ZGPAT: variants seen among roughly 807,000 people sequenced by gnomAD.
ZGPAT encodes the protein zinc finger CCCH-type and G-patch domain containing, also known as zinc finger CCCH-type with G patch domain-containing protein.
In ZGPAT, 39 loss-of-function variants were observed where a neutral mutation model predicts 47.9. The observed-to-expected ratio is 0.81, with a 90% confidence interval of 0.63 to 1.06. The LOEUF is 1.06. Ranked by LOEUF, ZGPAT falls within the 50% of genes least tolerant of loss-of-function variation. The pLI is 0.00. For synonymous variants in ZGPAT, 348 were observed against 292.9 expected (o/e 1.19, Z -1.92); for missense variants, 717 against 681.4 (o/e 1.05, Z -0.58).
At chr20:63,727,228 A>ATTTTTTTTTTTTTTTTTTTTT (rs11476997) in intron 2 of ZGPAT, among the ~76,000 whole-genome samples, 1 of 140,074 alleles carries the variant, frequency 7.1e-6, no homozygotes, top group Non-Finnish European at 1.6e-5. Context: ...TTTCCATTTG[A>ATTTTTTTTTTTTTTTTTTTTT]TTTTTTTTTT....
At position 63,733,085 on chromosome 20, in the gene ZGPAT, AGT is replaced by A. The variant is rs761506488; in HGVS notation, c.585-129_585-128del. On this transcript the variant is annotated intron_variant, in intron 2 of 6. Transcript: ENST00000355969. ...GTATGTGTGTGCGTGAGTGTGTGAG[AGT>A]GTGTATGTATACGCACGCGTGTGTG... is the stretch of plus-strand genomic sequence containing the variant. 5.2e-5 allele frequency: 59 copies of A among 1,128,968 alleles called. 1 individual carries two copies. Among genetic ancestry groups the A allele is most frequent in the Admixed American group, 4.6e-4 (18 of 39,218 alleles). 69.9% of individuals were successfully genotyped at this position (1,128,968 alleles called of 1,614,324 possible).
intron 2 of ZGPAT, 32 bp from the exon 3 acceptor site, chr20:63,733,187 C>G: frequency 1.9e-6 from 3 of 1,603,908 alleles, no homozygotes; most frequent in South Asian, 1.1e-5. Flanking sequence ...TGGCCCATGT[C>G]TGAGCCCTGC....
intron 6 of ZGPAT, 24 bp downstream of exon 6, chr20:63,735,588 G>A: frequency 4.0e-6 from 6 of 1,511,614 alleles, no homozygotes; most frequent in East Asian, 2.3e-5. Context: ...CCAGCTCAGG[G>A]CAAAGGGCGA....
chr20:63,732,681 C>CTT (rs1491567093), intron 2 of ZGPAT, among the ~76,000 whole-genome samples: 6 of 62,090 alleles, frequency 9.7e-5, no homozygotes, highest in Non-Finnish European at 1.5e-4. Context: ...TGCCTGTGTG[C>CTT]ATGTGTGTAT....
At chr20:63,730,406 C>A (rs1256033820) in intron 2 of ZGPAT, 1 of 152,268 alleles carries the variant, frequency 6.6e-6, no homozygotes, top group Admixed American at 6.5e-5. Context: ...CCTGTTCCAC[C>A]TCACTCTGCT....
At chr20:63,734,587 T>G in intron 4 of ZGPAT, 118 bp from the exon 5 acceptor site, 1 of 1,522,372 alleles carries the variant, frequency 6.6e-7, no homozygotes, top group Non-Finnish European at 8.8e-7. Flanking sequence ...AAAGCCCGGG[T>G]CACCATGCAC....
chr20:63,709,665 G>GT (rs532453631), intron 2 of ZGPAT, among the ~76,000 whole-genome samples: 329 of 150,616 alleles, frequency 2.2e-3, no homozygotes, highest in East Asian at 0.01. Flanking sequence ...CCTATCGTCA[G>GT]TTTTTTTTTG....
intron 2 of ZGPAT, among the ~76,000 whole-genome samples, chr20:63,732,510 TGC>T (rs73611622): frequency 0.19 from 28,790 of 151,336 alleles, 3,697 homozygotes; most frequent in East Asian, 0.61. Flanking sequence ...AGGGCACGTG[TGC>T]GCGCGTGTGG....
chr20:63,733,605 A>G lies in ZGPAT; in HGVS notation c.737A>G (p.Tyr246Cys). ...CCCCCAGATGTGGACAACGGCTACT[A>G]CACAGTCAAGTTTGACTCGCTGCTG... ...ARITDVDNGY[Y>C]TVKFDSLLLR... Residue 246 changes from tyrosine to cysteine, a missense_variant, in exon 4 of 7, where the codon TAC becomes TGC. Physicochemically the swap from Tyr to Cys is radical, Grantham distance 194. Transcript: ENST00000355969. 6.2e-7 allele frequency: 1 copy of G among 1,614,096 alleles called. No homozygotes were observed.
At chr20:63,724,001 G>C (rs931469373) in intron 2 of ZGPAT, among the ~76,000 whole-genome samples, 3 of 152,168 alleles carry the variant, frequency 2.0e-5, no homozygotes, top group Non-Finnish European at 2.9e-5. Context: ...GATCACTTGA[G>C]CCTGGGAAGT....
In ZGPAT at chr20:63,733,725, C is replaced by T; in HGVS notation, c.857C>T (p.Ser286Phe). Reference protein sequence around the residue: ...SDSDSDGTGDSSYARVVGSDA... With the variant: ...SDSDSDGTGDFSYARVVGSDA... Reference sequence around the variant, plus strand: ...TCAGACAGCGACGGTACGGGTGACTCCAGCTATGCCAGAGGTATGGCAGCA... The same window carrying T: ...TCAGACAGCGACGGTACGGGTGACTTCAGCTATGCCAGAGGTATGGCAGCA... Residue 286 changes from serine (S) to phenylalanine (F), a missense_variant, in exon 4 of 7, where the codon TCC becomes TTC. By Grantham distance (155) the Ser-to-Phe change is radical (BLOSUM62 -2). Coordinates refer to ENST00000355969, the MANE Select transcript of ZGPAT (RefSeq NM_181485.3). The T allele has an allele frequency of 6.2e-7, 1 of 1,611,674 alleles. No individual in the cohort carries two copies. Among genetic ancestry groups the T allele is most frequent in the Non-Finnish European group, 8.5e-7 (1 of 1,178,676 alleles).
intron 2 of ZGPAT, among the ~76,000 whole-genome samples, chr20:63,719,050 T>G (rs112698222): frequency 7.8e-6 from 1 of 128,060 alleles, no homozygotes. Context: ...TGGGCAACAG[T>G]GCGAGACTCC....
intron 2 of ZGPAT, among the ~76,000 whole-genome samples, chr20:63,710,146 C>A (rs550702011): frequency 1.2e-3 from 179 of 149,106 alleles, no homozygotes; most frequent in Non-Finnish European, 2.0e-3. Flanking sequence ...AAGCGTGAGC[C>A]ACCGCGCCTG....
chr20:63,711,424 A>C (rs1434504105), intron 2 of ZGPAT, among the ~76,000 whole-genome samples: 1 of 152,172 alleles, frequency 6.6e-6, no homozygotes, highest in East Asian at 1.9e-4. Flanking sequence ...TGAGTGGTCC[A>C]GGGCTTCAAG....
intron 2 of ZGPAT, among the ~76,000 whole-genome samples, chr20:63,717,874 C>A (rs1444460233): frequency 6.6e-6 from 1 of 152,064 alleles, no homozygotes; most frequent in Non-Finnish European, 1.5e-5. Flanking sequence ...GAAACCCCAT[C>A]TCTACTAAAA....
chr20:63,719,000 A>G (rs912046256), intron 2 of ZGPAT, among the ~76,000 whole-genome samples: 4 of 150,780 alleles, frequency 2.7e-5, no homozygotes, highest in Non-Finnish European at 5.9e-5. Flanking sequence ...CGGGAGGTGG[A>G]GCTTGCAGTG....
chr20:63,711,978 T>TATA (rs1395275468), intron 2 of ZGPAT, among the ~76,000 whole-genome samples: 1 of 152,258 alleles, frequency 6.6e-6, no homozygotes, highest in Non-Finnish European at 1.5e-5. Context: ...TTTCACTTGA[T>TATA]ATAGTGTCCT....
chr20:63,712,432 A>C (rs1045438311), intron 2 of ZGPAT, among the ~76,000 whole-genome samples: 1 of 152,216 alleles, frequency 6.6e-6, no homozygotes, highest in Non-Finnish European at 1.5e-5. Flanking sequence ...AGTGGTAGTT[A>C]TTCACCATTT....
At position 63,709,211 on chromosome 20, in the gene ZGPAT, A is replaced by T. The variant is rs758556748; in HGVS notation, c.584+47A>T. On this transcript the variant is annotated intron_variant, in intron 2 of 6. Transcript: ENST00000355969. ...TGCCAACCTTAGGGGCGTAAGGGGCACGCACACAGGGTCGGGTCAGGATCG... is the reference window on the plus strand; with the variant it reads ...TGCCAACCTTAGGGGCGTAAGGGGCTCGCACACAGGGTCGGGTCAGGATCG... The T allele has an allele frequency of 1.0e-5, 16 of 1,593,732 alleles. No individual in the cohort carries two copies. In the South Asian group the frequency reaches 1.8e-4, roughly 18 times the overall value.
Sources: gnomAD v4.1 joint callset for allele counts (sites outside exome capture counted in the v4.1 genomes callset) on GRCh38, gnomAD v4.1.1 for gene constraint, MANE v1.5 for transcripts, NCBI Gene and HGNC (gene_info 2026-07-23, HGNC 2026-07-21) for gene names.